Variants in ABCB5 observed in about 807,000 individuals in gnomAD.
The protein encoded by ABCB5 is ATP binding cassette subfamily B member 5, also known as ATP-binding cassette sub-family B member 5.
A neutral mutation model predicts 144.2 loss-of-function variants in ABCB5; 155 were observed. The observed-to-expected ratio is 1.08, with a 90% CI of 0.94 to 1.23. The LOEUF (loss-of-function observed/expected upper bound fraction) is 1.23. ABCB5 is among the 50% of genes most tolerant of loss of function. The pLI is 0.00. For missense variants in ABCB5, 1,830 were observed against 1,520.8 expected, an observed-to-expected ratio of 1.20 and a Z score of -3.38; for synonymous variants, 610 against 528.6, an observed-to-expected ratio of 1.15 and a Z score of -2.11.
At position 20,755,792 on chromosome 7, in the gene ABCB5, A is replaced by T. The variant is rs1186694147; in HGVS notation, c.*168A>T. 1 of 649,818 alleles carries T rather than the reference A, an allele frequency of 1.5e-6. No homozygotes were observed. Among genetic ancestry groups the T allele is most frequent in the Admixed American group, 3.2e-5 (1 of 31,084 alleles). 40.3% of individuals were successfully genotyped at this position (649,818 alleles called of 1,614,324 possible). On this transcript the variant is annotated 3_prime_UTR_variant, in exon 28 of 28. Transcript: ENST00000404938. Reference sequence around the variant, plus strand: ...CACACCATCTGACCTTCAGATTTTTAAAAGGAAGCAAAAATTTGCTTATTT... The same window carrying T: ...CACACCATCTGACCTTCAGATTTTTTAAAGGAAGCAAAAATTTGCTTATTT...
intron 4 of ABCB5, among the ~76,000 whole-genome samples, chr7:20,629,970 T>G (rs1223696800): frequency 6.6e-6 from 1 of 152,122 alleles, no homozygotes; most frequent in Non-Finnish European, 1.5e-5. Flanking sequence ...TGAGAGGAAC[T>G]AGCAATTAGG....
intron 20 of ABCB5, among the ~76,000 whole-genome samples, chr7:20,715,912 C>G (rs10081180): frequency 0.7 from 105,632 of 151,514 alleles, 37,560 homozygotes; most frequent in East Asian, 0.95. Flanking sequence ...TAGAGACGGG[C>G]TTTCACCACG....
Position 20,674,894 on chromosome 7 carries a change from A to G in ABCB5, c.1708-6611A>G, listed in dbSNP as rs146633577. Among the ~76,000 whole-genome samples, 532 of 152,020 alleles carry G rather than the reference A, an allele frequency of 3.5e-3. 7 individuals carry two copies. The highest frequency in any genetic ancestry group is 0.012 in the African/African-American group (503 of 41,542). On this transcript the variant is annotated intron_variant, in intron 14 of 27. Transcript: ENST00000404938. Reference sequence around the variant, plus strand: ...CAAATCTTCTGAAAAAATAACTAAAACATCCCATTTGCAACAGTATCAAAA... The same window carrying G: ...CAAATCTTCTGAAAAAATAACTAAAGCATCCCATTTGCAACAGTATCAAAA...
At chr7:20,724,005 AAAG>A (rs1781953337) in intron 21 of ABCB5, among the ~76,000 whole-genome samples, 3 of 152,126 alleles carry the variant, frequency 2.0e-5, no homozygotes, top group Admixed American at 6.6e-5. Context: ...CTAAGAATTG[AAAG>A]AGACATCATC....
chr7:20,665,057 C>T (rs2128032493), intron 14 of ABCB5, among the ~76,000 whole-genome samples: 1 of 152,122 alleles, frequency 6.6e-6, no homozygotes, highest in South Asian at 2.1e-4. Flanking sequence ...GAAGAGATTC[C>T]AGGCCATAAA....
chr7:20,705,876 G>A (rs1583438458), intron 20 of ABCB5, among the ~76,000 whole-genome samples: 1 of 151,756 alleles, frequency 6.6e-6, no homozygotes, highest in East Asian at 1.9e-4. Context: ...TATATTATCA[G>A]AAAATAGAAT....
intron 9 of ABCB5, 142 bp from the exon 10 acceptor site, chr7:20,647,393 T>C: frequency 1.4e-6 from 2 of 1,380,878 alleles, no homozygotes; most frequent in East Asian, 5.5e-5. Context: ...TGTTCTTTTT[T>C]ATTTGGTCAT....
At chr7:20,682,869 C>A (rs573337300) in intron 15 of ABCB5, among the ~76,000 whole-genome samples, 1 of 152,116 alleles carries the variant, frequency 6.6e-6, no homozygotes, top group African/African-American at 2.4e-5. Context: ...TCCATACTTG[C>A]GTGTGTCATG....
At chr7:20,673,225 A>G (rs1583415691) in intron 14 of ABCB5, among the ~76,000 whole-genome samples, 1 of 152,214 alleles carries the variant, frequency 6.6e-6, no homozygotes, top group East Asian at 1.9e-4. Context: ...TGTACACTTG[A>G]AAATAATGTG....
intron 14 of ABCB5, among the ~76,000 whole-genome samples, chr7:20,680,285 C>T (rs1315216949): frequency 4.6e-5 from 7 of 151,986 alleles, no homozygotes; most frequent in Admixed American, 2.6e-4. Flanking sequence ...TGAGGCCGAG[C>T]GCGGTGGTCA....
intron 13 of ABCB5, among the ~76,000 whole-genome samples, chr7:20,654,711 A>C (rs568524267): frequency 6.6e-5 from 10 of 152,342 alleles, no homozygotes; most frequent in African/African-American, 2.4e-4. Flanking sequence ...CACAAAAAAC[A>C]ATTCTAAAGA....
chr7:20,714,047 T>C (rs554334250), intron 20 of ABCB5, among the ~76,000 whole-genome samples: 2 of 152,344 alleles, frequency 1.3e-5, no homozygotes, highest in African/African-American at 2.4e-5. Flanking sequence ...CCTTGTTTGT[T>C]TGCCACCTCT....
chr7:20,739,251 G>C, intron 24 of ABCB5, 112 bp downstream of exon 24: 1 of 1,125,394 alleles, frequency 8.9e-7, no homozygotes, highest in Non-Finnish European at 1.2e-6. Flanking sequence ...TAACCATTGG[G>C]TGCTATACTC....
chr7:20,744,630 G>A (rs886978523), intron 25 of ABCB5, among the ~76,000 whole-genome samples: 3 of 149,890 alleles, frequency 2.0e-5, no homozygotes, highest in Admixed American at 6.7e-5. Flanking sequence ...GGGGAGGGGG[G>A]AGGGACAGCA....
chr7:20,688,541 C>T (rs572260274), intron 16 of ABCB5, among the ~76,000 whole-genome samples: 5 of 152,284 alleles, frequency 3.3e-5, no homozygotes, highest in African/African-American at 1.2e-4. Context: ...CTAGTTCAAC[C>T]ATTGTGGAAG....
intron 3 of ABCB5, among the ~76,000 whole-genome samples, chr7:20,627,253 A>C (rs1044567339): frequency 6.6e-6 from 1 of 152,202 alleles, no homozygotes; most frequent in African/African-American, 2.4e-5. Context: ...AATTTAAAAA[A>C]AACTGAATAG....
At chr7:20,636,719 A>G (rs1784164703) in intron 5 of ABCB5, among the ~76,000 whole-genome samples, 1 of 143,346 alleles carries the variant, frequency 7.0e-6, no homozygotes, top group South Asian at 2.3e-4. Context: ...TGGGAGTTAG[A>G]GGTTGCAGTG....
At chr7:20,691,205 A>G (rs1786215773) in intron 16 of ABCB5, among the ~76,000 whole-genome samples, 2 of 79,368 alleles carry the variant, frequency 2.5e-5, no homozygotes, top group Admixed American at 4.2e-4. Context: ...TTTTTTTGAG[A>G]CGGAGTTTCA....
At position 20,646,126 on chromosome 7, in the gene ABCB5, GACTGTTCT is replaced by G. The variant is rs1180850088; in HGVS notation, c.970_977del (p.Thr324CysfsTer5). On this transcript the variant is annotated frameshift_variant, in exon 9 of 28. Transcript: ENST00000404938. LOFTEE classifies it high-confidence loss of function. The stretch of plus-strand genomic sequence containing the variant: ...ATGGAGAACCTGGATATACCATCGG[GACTGTTCT>G]TGCTGTAAGTCTTGTTTGAGAACAA... 9 of 1,612,440 alleles carry G rather than the reference GACTGTTCT, an allele frequency of 5.6e-6. No homozygotes were observed.
Sources: gnomAD v4.1 joint callset for allele counts (sites outside exome capture counted in the v4.1 genomes callset) on GRCh38, gnomAD v4.1.1 for gene constraint, MANE v1.5 for transcripts, NCBI Gene and HGNC (gene_info 2026-07-23, HGNC 2026-07-21) for gene names.